The following SMCHD1 variants were observed in gnomAD, a reference collection of about 807,000 sequenced individuals.
The protein encoded by SMCHD1 is structural maintenance of chromosomes flexible hinge domain-containing protein 1.
In SMCHD1, 78 loss-of-function variants were observed where a neutral mutation model predicts 254.7. That is an observed-to-expected ratio of 0.31 (90% CI 0.26 to 0.37). The LOEUF is 0.37. Ranked by LOEUF, SMCHD1 falls within the 10% of genes least tolerant of loss-of-function variation. The pLI is 1.00. For synonymous variants in SMCHD1, 766 were observed against 794.9 expected (o/e 0.96, Z 0.61); for missense variants, 1,840 against 2,408.1 (o/e 0.76, Z 4.94).
At position 2,714,043 on chromosome 18, in the gene SMCHD1, C is replaced by T. The variant is rs1289868707; in HGVS notation, c.2261-4115C>T. On this transcript the variant is annotated intron_variant, in intron 17 of 47. Coordinates refer to ENST00000320876, the MANE Select transcript of SMCHD1 (RefSeq NM_015295.3). ...AAAGGCCAGTTTAAATCCAATGTTC[C>T]TTTGTTGCAACGTTTTCTATCTCCA... Among the ~76,000 whole-genome samples the T allele has an allele frequency of 7.2e-5, 11 of 152,232 alleles. No individual in the cohort carries two copies. The East Asian group carries it at 1.9e-3, about 27-fold the overall frequency.
At chr18:2,752,666 G>T (rs1382579768) in intron 34 of SMCHD1, 114 bp downstream of exon 34, 1 of 663,198 alleles carries the variant, frequency 1.5e-6, no homozygotes, top group Non-Finnish European at 2.5e-6. Context: ...AAATAGAAAT[G>T]TTAGTGTCTC....
intron 47 of SMCHD1, chr18:2,796,966 AAAGT>A (rs1316536434): frequency 3.3e-5 from 5 of 152,064 alleles, no homozygotes; most frequent in African/African-American, 1.2e-4. Flanking sequence ...TAAAAAAAAT[AAAGT>A]AATAATGAAG....
chr18:2,759,810 T>TCC (rs1009125900), intron 34 of SMCHD1, among the ~76,000 whole-genome samples: 14 of 152,220 alleles, frequency 9.2e-5, no homozygotes, highest in African/African-American at 3.4e-4. Flanking sequence ...CCTCAAGTGA[T>TCC]CCGCCTGCCT....
In SMCHD1 at chr18:2,748,914, T is replaced by C. The variant is rs545510094; in HGVS notation, c.3928-1129T>C. Among the ~76,000 whole-genome samples, 30 of 152,276 alleles carry C rather than the reference T, an allele frequency of 2.0e-4. No homozygotes were observed. In the East Asian group the frequency reaches 2.7e-3, roughly 14 times the overall value. On this transcript the variant is annotated intron_variant, in intron 30 of 47. Coordinates refer to ENST00000320876, the MANE Select transcript of SMCHD1 (RefSeq NM_015295.3). ...GCAATTATTTATAGTTCAATCAGAA[T>C]CCCAACAGGGATTTCCCAGAACCTG...
intron 45 of SMCHD1, among the ~76,000 whole-genome samples, chr18:2,790,564 A>G (rs1487729532): frequency 6.6e-6 from 1 of 152,210 alleles, no homozygotes; most frequent in Admixed American, 6.5e-5. Flanking sequence ...ATTCAAGACC[A>G]GCCTGGCCAA....
chr18:2,778,035 G>GT (rs1412861522), intron 43 of SMCHD1, 120 bp downstream of exon 43: 1 of 998,156 alleles, frequency 1.0e-6, no homozygotes, highest in Non-Finnish European at 1.5e-6. Flanking sequence ...AGTTTTATCA[G>GT]TTTTTTTAGA....
intron 34 of SMCHD1, among the ~76,000 whole-genome samples, chr18:2,758,587 A>G (rs150084860): frequency 3.9e-5 from 6 of 152,292 alleles, no homozygotes; most frequent in Non-Finnish European, 8.8e-5. Flanking sequence ...AGTTCCTTCA[A>G]TATGTCTGCT....
At chr18:2,744,057 TAAC>T (rs1329590765) in intron 29 of SMCHD1, 129 bp downstream of exon 29, 3 of 764,398 alleles carry the variant, frequency 3.9e-6, no homozygotes, top group Admixed American at 3.3e-5. Flanking sequence ...ACAGTAAAAA[TAAC>T]AAAAAAGCAA....
intron 28 of SMCHD1, 57 bp from the exon 29 acceptor site, chr18:2,743,703 GT>G (rs745356012): frequency 2.8e-5 from 37 of 1,314,346 alleles, no homozygotes; most frequent in Non-Finnish European, 3.5e-5. Context: ...ATTTTATTTT[GT>G]TTTTCTGAAC....
chr18:2,747,508 T>A lies in SMCHD1; in HGVS notation c.3802-14T>A. On this transcript the variant is annotated splice_polypyrimidine_tract_variant and intron_variant, in intron 29 of 47. Transcript: ENST00000320876. The stretch of plus-strand genomic sequence containing the variant: ...ATATTTTAGTGTTTCTTAAAATATT[T>A]CTATTCTTTTCAGTCCATTCCAGTG... 6.3e-7 allele frequency: 1 copy of A among 1,584,196 alleles called. No homozygotes were observed. The highest frequency in any genetic ancestry group is 8.6e-7 in the Non-Finnish European group (1 of 1,162,488).
chr18:2,760,012 C>T (rs2075758806), intron 34 of SMCHD1, among the ~76,000 whole-genome samples: 1 of 152,122 alleles, frequency 6.6e-6, no homozygotes, highest in South Asian at 2.1e-4. Context: ...AAAGCCTGTG[C>T]TTTGTACTGC....
chr18:2,789,342 A>G (rs1001990871), intron 45 of SMCHD1, among the ~76,000 whole-genome samples: 2 of 152,076 alleles, frequency 1.3e-5, no homozygotes, highest in African/African-American at 4.8e-5. Flanking sequence ...CTGCCTGGCT[A>G]CAGCCTTGTT....
chr18:2,678,822 GTTT>G (rs572937755), intron 5 of SMCHD1, among the ~76,000 whole-genome samples: 87,440 of 144,620 alleles, frequency 0.6, 29,493 homozygotes, highest in Non-Finnish European at 0.73. Context: ...TCCGTTTTTT[GTTT>G]TTTTTTTTTT....
intron 45 of SMCHD1, among the ~76,000 whole-genome samples, chr18:2,789,941 T>C (rs1374153779): frequency 6.6e-6 from 1 of 152,184 alleles, no homozygotes; most frequent in South Asian, 2.1e-4. Flanking sequence ...CCCAACACTT[T>C]GGGAGGCCGA....
At chr18:2,686,813 C>A (rs2074062455) in intron 5 of SMCHD1, among the ~76,000 whole-genome samples, 1 of 151,884 alleles carries the variant, frequency 6.6e-6, no homozygotes, top group Non-Finnish European at 1.5e-5. Context: ...ATTACAGTGT[C>A]CTACCTGGTC....
intron 5 of SMCHD1, 102 bp from the exon 6 acceptor site, chr18:2,688,292 C>T: frequency 5.2e-6 from 4 of 762,738 alleles, no homozygotes; most frequent in East Asian, 2.5e-5. Flanking sequence ...GGGGTGTTTG[C>T]AGGCGTGATC....
intron 35 of SMCHD1, among the ~76,000 whole-genome samples, chr18:2,761,817 C>CA (rs1210012713): frequency 6.6e-6 from 1 of 151,352 alleles, no homozygotes; most frequent in Admixed American, 6.6e-5. Context: ...GACTCTGTCT[C>CA]AAAAAAACAA....
chr18:2,789,085 T>C (rs1386677178), intron 45 of SMCHD1, among the ~76,000 whole-genome samples: 1 of 152,202 alleles, frequency 6.6e-6, no homozygotes, highest in Non-Finnish European at 1.5e-5. Flanking sequence ...AGTGGCACAA[T>C]CATGGCTCAC....
chr18:2,729,517 A>G, intron 24 of SMCHD1, 108 bp downstream of exon 24: 2 of 765,262 alleles, frequency 2.6e-6, no homozygotes, highest in Non-Finnish European at 3.8e-6. Context: ...AAAATGAGGT[A>G]TTTGTGGTTC....
Sources: gnomAD v4.1 joint callset for allele counts (sites outside exome capture counted in the v4.1 genomes callset) on GRCh38, gnomAD v4.1.1 for gene constraint, MANE v1.5 for transcripts, NCBI Gene and HGNC (gene_info 2026-07-23, HGNC 2026-07-21) for gene names.